COL21A1: variants seen among roughly 807,000 people sequenced by gnomAD.
COL21A1 encodes collagen type XXI alpha 1 chain, also known as collagen alpha-1(XXI) chain.
In COL21A1, 149 loss-of-function variants were observed where a neutral mutation model predicts 137.9. The observed-to-expected ratio is 1.08, with a 90% CI of 0.95 to 1.24. The LOEUF (loss-of-function observed/expected upper bound fraction) is 1.24, where lower values mean the gene tolerates loss of function less well. Among genes scored for constraint, COL21A1 ranks in the 50% most tolerant of loss-of-function variants. The pLI is 0.00. For synonymous variants in COL21A1, 456 were observed against 391.5 expected, an observed-to-expected ratio of 1.16 and a Z score of -1.95; for missense variants, 1,167 against 1,158.4, an observed-to-expected ratio of 1.01 and a Z score of -0.11.
In COL21A1 at chr6:56,126,112, C is replaced by A; in HGVS notation, c.1580G>T (p.Gly527Val). 6.5e-7 allele frequency: 1 copy of A among 1,547,444 alleles called. No individual in the cohort carries two copies. Reference protein sequence around the residue: ...RGLPGFPGLHGMPGSKGEMGA... With the variant: ...RGLPGFPGLHVMPGSKGEMGA... The stretch of plus-strand genomic sequence containing the variant: ...TTCTTCAACCTTTGATCCTGGCATG[C>A]CATGAAGCCCAGGAAAACCAGGAAG... The change falls in exon 13 of 30, where the codon GGC (glycine) becomes GTC (valine). Residue 527 changes from glycine (G) to valine (V), a missense_variant. Transcript: ENST00000244728.
At chr6:56,187,447 C>T (rs1461641885) in intron 1 of COL21A1, among the ~76,000 whole-genome samples, 2 of 152,122 alleles carry the variant, frequency 1.3e-5, no homozygotes, top group Non-Finnish European at 2.9e-5. Flanking sequence ...TTACTATAAG[C>T]TGCAGAAATC....
At chr6:56,201,344 A>G (rs1228050295) in intron 1 of COL21A1, among the ~76,000 whole-genome samples, 2 of 152,088 alleles carry the variant, frequency 1.3e-5, no homozygotes, top group Non-Finnish European at 2.9e-5. Flanking sequence ...TTTTGTTGCC[A>G]TTGCTTTTGG....
At chr6:56,198,403 A>G (rs1779173026) in intron 1 of COL21A1, among the ~76,000 whole-genome samples, 1 of 152,110 alleles carries the variant, frequency 6.6e-6, no homozygotes, top group Admixed American at 6.6e-5. Flanking sequence ...GAGGTAATTG[A>G]TATGCTAGTT....
intron 1 of COL21A1, among the ~76,000 whole-genome samples, chr6:56,387,119 C>T (rs938183211): frequency 2.6e-5 from 4 of 152,218 alleles, no homozygotes; most frequent in Non-Finnish European, 5.9e-5. Flanking sequence ...TAAGGATAAG[C>T]TCCTCTGATT....
chr6:56,314,899 C>T (rs1216091615), intron 1 of COL21A1, among the ~76,000 whole-genome samples: 1 of 152,136 alleles, frequency 6.6e-6, no homozygotes, highest in Non-Finnish European at 1.5e-5. Context: ...AGGACAGCAA[C>T]ACAGATTCTT....
At chr6:56,287,630 G>C (rs542236788) in intron 1 of COL21A1, among the ~76,000 whole-genome samples, 2 of 151,948 alleles carry the variant, frequency 1.3e-5, no homozygotes, top group African/African-American at 4.8e-5. Flanking sequence ...CATGCTTCCT[G>C]TACAGCCTAG....
intron 21 of COL21A1, among the ~76,000 whole-genome samples, chr6:56,069,867 A>ATT (rs1216857859): frequency 6.6e-6 from 1 of 151,146 alleles, no homozygotes; most frequent in East Asian, 1.9e-4. Context: ...TGGTAGTTAA[A>ATT]TTTAATTATT....
chr6:56,228,117 A>G (rs1781327613), intron 1 of COL21A1, among the ~76,000 whole-genome samples: 5 of 151,974 alleles, frequency 3.3e-5, no homozygotes. Flanking sequence ...GAAACAGAGC[A>G]GGAACATGGT....
At chr6:56,371,309 A>G (rs1235649666) in intron 1 of COL21A1, among the ~76,000 whole-genome samples, 1 of 152,246 alleles carries the variant, frequency 6.6e-6, no homozygotes, top group African/African-American at 2.4e-5. Context: ...ACACTGGGAT[A>G]GGGTAAGATA....
At chr6:56,071,811 AATT>A (rs905543245) in intron 20 of COL21A1, among the ~76,000 whole-genome samples, 3 of 151,548 alleles carry the variant, frequency 2.0e-5, no homozygotes, top group Non-Finnish European at 4.4e-5. Context: ...TTATTTAGAT[AATT>A]ATTATCTTTT....
intron 1 of COL21A1, among the ~76,000 whole-genome samples, chr6:56,352,496 C>G (rs17225591): frequency 0.16 from 24,726 of 151,288 alleles, 2,165 homozygotes; most frequent in Non-Finnish European, 0.18. Context: ...CGCAGCAAAA[C>G]ACCAGAGCTC....
rs557255491 is a variant in COL21A1 at position 56,268,655 on chromosome 6, C to T, written c.-38-85999G>A. Among the ~76,000 whole-genome samples the T allele has an allele frequency of 2.0e-5, 3 of 151,026 alleles. No homozygotes were observed. In the South Asian group the frequency reaches 6.2e-4, roughly 31 times the overall value. On this transcript the variant is annotated intron_variant, in intron 1 of 28. Transcript: ENST00000370819. Reference sequence around the variant, plus strand: ...CCAATTGACTATACTCAACTTACACCACAGATAAAGGAACATCAGCCCTCT... The same window carrying T: ...CCAATTGACTATACTCAACTTACACTACAGATAAAGGAACATCAGCCCTCT...
At chr6:56,263,965 C>T (rs1030930171) in intron 1 of COL21A1, among the ~76,000 whole-genome samples, 10 of 123,286 alleles carry the variant, frequency 8.1e-5, no homozygotes, top group African/African-American at 3.8e-4. Context: ...CACTCTCATA[C>T]ACAAACACAC....
At chr6:56,197,672 G>C (rs999438215) in intron 1 of COL21A1, among the ~76,000 whole-genome samples, 1 of 152,014 alleles carries the variant, frequency 6.6e-6, no homozygotes, top group African/African-American at 2.4e-5. Context: ...ACACCTGTTA[G>C]CACGGCTATT....
intron 1 of COL21A1, among the ~76,000 whole-genome samples, chr6:56,377,329 A>G (rs548120239): frequency 1.7e-4 from 25 of 151,348 alleles, no homozygotes; most frequent in Admixed American, 9.9e-4. Flanking sequence ...TCCCTCCCCA[A>G]TCCCCGATTC....
chr6:56,322,088 G>C (rs745690607), intron 1 of COL21A1, among the ~76,000 whole-genome samples: 5 of 151,908 alleles, frequency 3.3e-5, no homozygotes, highest in Non-Finnish European at 7.4e-5. Context: ...AGCCAAACTT[G>C]CACCAAAAAA....
intron 1 of COL21A1, among the ~76,000 whole-genome samples, chr6:56,222,431 C>T (rs759468803): frequency 9.2e-5 from 14 of 152,082 alleles, no homozygotes; most frequent in Non-Finnish European, 1.8e-4. Flanking sequence ...TTTCTCCATC[C>T]ATTCATCTAA....
intron 1 of COL21A1, among the ~76,000 whole-genome samples, chr6:56,190,407 C>T (rs151078158): frequency 0.011 from 1,738 of 152,062 alleles, 27 homozygotes; most frequent in African/African-American, 0.039. Flanking sequence ...GTTGAATCCC[C>T]GAATAGAGCA....
chr6:56,093,541 G>A (rs925159550), intron 17 of COL21A1, among the ~76,000 whole-genome samples: 1 of 152,092 alleles, frequency 6.6e-6, no homozygotes, highest in East Asian at 1.9e-4. Context: ...CTGACCCTCT[G>A]CAATGTTGAA....
Sources: gnomAD v4.1 joint callset for allele counts (sites outside exome capture counted in the v4.1 genomes callset) on GRCh38, gnomAD v4.1.1 for gene constraint, MANE v1.5 for transcripts, NCBI Gene and HGNC (gene_info 2026-07-23, HGNC 2026-07-21) for gene names.